The following EYS variants were observed in gnomAD, a reference collection of about 807,000 sequenced individuals.
EYS encodes EGF-like photoreceptor maintenance factor, also known as protein eyes shut homolog.
A neutral mutation model predicts 282.1 loss-of-function variants in EYS; 250 were observed. The ratio of observed to expected loss-of-function variants is 0.89; its 90% CI spans 0.80 to 0.98. The LOEUF is 0.98. EYS is among the 50% of genes least tolerant of loss of function. The pLI is 0.00. For synonymous variants in EYS, 1,355 were observed against 1,282.9 expected, an observed-to-expected ratio of 1.06 and a Z score of -1.20; for missense variants, 4,016 against 3,709.0, an observed-to-expected ratio of 1.08 and a Z score of -2.15.
chr6:64,750,293 G>A (rs575675819), intron 22 of EYS, among the ~76,000 whole-genome samples: 14 of 151,698 alleles, frequency 9.2e-5, no homozygotes, highest in South Asian at 6.2e-4. Context: ...TTCTTCTATT[G>A]GACATAGATC....
chr6:63,837,548 G>A (rs928979346), intron 36 of EYS, among the ~76,000 whole-genome samples: 1 of 152,096 alleles, frequency 6.6e-6, no homozygotes, highest in Non-Finnish European at 1.5e-5. Context: ...ATTAGGCAAA[G>A]AGATAAAGTG....
chr6:65,329,119 G>T (rs1227972181), intron 11 of EYS, among the ~76,000 whole-genome samples: 2 of 151,208 alleles, frequency 1.3e-5, no homozygotes, highest in Non-Finnish European at 3.0e-5. Flanking sequence ...TATTGTTTGA[G>T]ATATGAAATT....
chr6:64,459,200 A>G (rs368126921), intron 26 of EYS, among the ~76,000 whole-genome samples: 1 of 152,248 alleles, frequency 6.6e-6, no homozygotes, highest in Non-Finnish European at 1.5e-5. Flanking sequence ...GATGATTTGT[A>G]TAATCTTTTT....
In EYS at chr6:64,693,213, C is replaced by T. The variant is rs138285776; in HGVS notation, c.3444-66968G>A. 6.8e-4 allele frequency among the ~76,000 whole-genome samples: 103 copies of T among 151,702 alleles called. 1 individual carries two copies. The East Asian group carries it at 0.016, about 24-fold the overall frequency. ...ATTATCATGTTCGTTAATTGAAAGA[C>T]TTAATTTTTTTCATTTTAATTCTTC... On this transcript the variant is annotated intron_variant, in intron 22 of 42. Coordinates refer to ENST00000503581, the MANE Select transcript of EYS (RefSeq NM_001142800.2).
intron 31 of EYS, among the ~76,000 whole-genome samples, chr6:64,151,650 G>A (rs573501377): frequency 6.6e-6 from 1 of 151,826 alleles, no homozygotes; most frequent in African/African-American, 2.4e-5. Flanking sequence ...ATGAGCCACC[G>A]CGCCCTGCCA....
chr6:64,961,058 G>A (rs1364553239), intron 14 of EYS, among the ~76,000 whole-genome samples: 1 of 152,128 alleles, frequency 6.6e-6, no homozygotes, highest in Non-Finnish European at 1.5e-5. Flanking sequence ...TATCACTGAT[G>A]GTCATTTAGG....
intron 35 of EYS, among the ~76,000 whole-genome samples, chr6:63,925,836 G>T (rs549847270): frequency 2.6e-4 from 39 of 152,252 alleles, no homozygotes; most frequent in Middle Eastern, 6.8e-3. Context: ...AGTAGAGACG[G>T]GGTTTCACCG....
intron 18 of EYS, among the ~76,000 whole-genome samples, chr6:64,900,161 G>T (rs2150070646): frequency 6.6e-6 from 1 of 152,230 alleles, no homozygotes; most frequent in Admixed American, 6.5e-5. Context: ...ATAGTGTTGG[G>T]AAAACTGGTT....
chr6:63,878,416 C>CG (rs1030671451), intron 35 of EYS, among the ~76,000 whole-genome samples: 2 of 152,148 alleles, frequency 1.3e-5, no homozygotes, highest in Admixed American at 6.5e-5. Flanking sequence ...TTAGGCTACT[C>CG]GGGGGTCCGG....
At chr6:63,791,624 G>A (rs1020028295) in intron 37 of EYS, among the ~76,000 whole-genome samples, 5 of 151,530 alleles carry the variant, frequency 3.3e-5, no homozygotes, top group African/African-American at 1.2e-4. Context: ...ATGTGGGCTT[G>A]ACTGGCATTT....
intron 30 of EYS, among the ~76,000 whole-genome samples, chr6:64,291,686 G>T (rs926646041): frequency 6.6e-6 from 1 of 151,894 alleles, no homozygotes; most frequent in Admixed American, 6.6e-5. Context: ...TATGAATTTT[G>T]TATTTGTACT....
chr6:64,085,340 G>GCGCGCACACACA (rs112388321), intron 31 of EYS, among the ~76,000 whole-genome samples: 224 of 139,880 alleles, frequency 1.6e-3, no homozygotes, highest in African/African-American at 5.1e-3. Context: ...ACGTGCGCGC[G>GCGCGCACACACA]CACACACACA....
At chr6:63,932,088 C>A (rs1443800383) in intron 35 of EYS, among the ~76,000 whole-genome samples, 1 of 152,154 alleles carries the variant, frequency 6.6e-6, no homozygotes, top group South Asian at 2.1e-4. Context: ...TGAGAATATG[C>A]GGTTCTATGT....
At chr6:65,473,651 T>C (rs1765296381) in intron 5 of EYS, among the ~76,000 whole-genome samples, 1 of 151,940 alleles carries the variant, frequency 6.6e-6, no homozygotes, top group Non-Finnish European at 1.5e-5. Context: ...TCAGAATAAT[T>C]ATCTTTTTTG....
In EYS at chr6:65,680,744, AGAG is replaced by A. The variant is rs200352980; in HGVS notation, c.-448+26388_-448+26390del. On this transcript the variant is annotated intron_variant, in intron 1 of 42. Coordinates refer to ENST00000503581, the MANE Select transcript of EYS (RefSeq NM_001142800.2). ...AATATTCTCACAATTCTCTTCCGAC[AGAG>A]GAGATGTGGGGATTCCTCACCATCA... Among the ~76,000 whole-genome samples, 831 of 152,114 alleles carry A rather than the reference AGAG, an allele frequency of 5.5e-3. 8 individuals carry two copies. The highest frequency in any genetic ancestry group is 0.019 in the African/African-American group (779 of 41,548).
chr6:64,296,577 TATATATACATATATATATATA>T (rs1300867858), intron 30 of EYS, among the ~76,000 whole-genome samples: 770 of 8,126 alleles, frequency 0.095, 59 homozygotes, highest in African/African-American at 0.26. Context: ...TATATATATA[TATATATACATATATATATATA>T]TTTTTTTTTT....
At chr6:64,042,892 CTT>C (rs1434268186) in intron 33 of EYS, among the ~76,000 whole-genome samples, 3 of 152,114 alleles carry the variant, frequency 2.0e-5, no homozygotes, top group African/African-American at 4.8e-5. Context: ...ATGTCATAAA[CTT>C]TTCTAAAACT....
chr6:65,358,599 AGTGTGTGTGTGTGTGTGTGTGT>A (rs61588307), intron 8 of EYS, among the ~76,000 whole-genome samples: 2 of 140,836 alleles, frequency 1.4e-5, no homozygotes, highest in African/African-American at 2.7e-5. Flanking sequence ...AGGTTTCTGA[AGTGTGTGTGTGTGTGTGTGTGT>A]GTGTGTGTGT....
intron 22 of EYS, among the ~76,000 whole-genome samples, chr6:64,794,966 G>A (rs1484396465): frequency 6.6e-6 from 1 of 152,096 alleles, no homozygotes; most frequent in East Asian, 1.9e-4. Context: ...CAGGTGCAGT[G>A]GCTCATGGCT....
Sources: allele counts gnomAD v4.1 joint callset (sites outside exome capture counted in the v4.1 genomes callset), GRCh38; gene constraint gnomAD v4.1.1; transcripts MANE v1.5; gene names NCBI Gene and HGNC (gene_info 2026-07-23, HGNC 2026-07-21).